The following TBXAS1 variants were observed in gnomAD, a reference collection of about 807,000 sequenced individuals.
TBXAS1 encodes thromboxane A synthase 1, also known as thromboxane-A synthase.
A neutral mutation model predicts 60.7 loss-of-function variants in TBXAS1; 48 were observed. That is an observed-to-expected ratio of 0.79 (90% CI 0.63 to 1.01). TBXAS1 has a LOEUF of 1.01. Among genes scored for constraint, TBXAS1 ranks in the 50% least tolerant of loss-of-function variants. The probability of loss-of-function intolerance (pLI) is 0.00; values close to 1 mark genes in which losing one functional copy is unlikely to be tolerated. For synonymous variants in TBXAS1, 287 were observed against 269.7 expected, an observed-to-expected ratio of 1.06 and a Z score of -0.63; for missense variants, 685 against 686.3, an observed-to-expected ratio of 1.00 and a Z score of 0.02.
chr7:140,017,142 A>G (rs1278295839), intron 11 of TBXAS1, among the ~76,000 whole-genome samples: 2 of 152,208 alleles, frequency 1.3e-5, no homozygotes, highest in Non-Finnish European at 2.9e-5. Context: ...GGGCCTGCAA[A>G]GCAAACACGG....
chr7:139,780,121 A>C (rs1394877986), intron 1 of TBXAS1, among the ~76,000 whole-genome samples: 1 of 152,200 alleles, frequency 6.6e-6, no homozygotes, highest in Non-Finnish European at 1.5e-5. Context: ...CTGTATTTTG[A>C]TTATGAGAAG....
Position 140,016,123 on chromosome 7 carries a change from T to G in TBXAS1, c.1364+263T>G, listed in dbSNP as rs529718703. Among the ~76,000 whole-genome samples, 27 of 152,126 alleles carry G rather than the reference T, an allele frequency of 1.8e-4. 1 individual carries two copies. Among genetic ancestry groups the G allele is most frequent in the African/African-American group, 4.6e-4 (19 of 41,474 alleles). The stretch of plus-strand genomic sequence containing the variant: ...GTGGGCAGATCACGAGGTCAGGAGA[T>G]CGAGACCATCCTGGCTAACACGGTG... On this transcript the variant is annotated intron_variant, in intron 11 of 12. Coordinates refer to ENST00000448866, the MANE Select transcript of TBXAS1 (RefSeq NM_001061.7).
chr7:139,803,468 T>C (rs1797769847), intron 4 of TBXAS1, among the ~76,000 whole-genome samples: 1 of 152,120 alleles, frequency 6.6e-6, no homozygotes, highest in Non-Finnish European at 1.5e-5. Flanking sequence ...GATGATGCAA[T>C]AGAAAAGAAA....
At chr7:139,864,465 G>A (rs945919531) in intron 1 of TBXAS1, among the ~76,000 whole-genome samples, 1 of 151,756 alleles carries the variant, frequency 6.6e-6, no homozygotes, top group Non-Finnish European at 1.5e-5. Flanking sequence ...TGCAATTCCA[G>A]AAAAATCCAA....
Position 139,896,359 on chromosome 7 carries a change from G to A in TBXAS1, c.237-14866G>A, listed in dbSNP as rs866623794. ...TTTCCAAACTAACAAGAGGGCAGCCGGCACTTTAGAGGGTAAATACTTGCA... is the reference window on the plus strand; with the variant it reads ...TTTCCAAACTAACAAGAGGGCAGCCAGCACTTTAGAGGGTAAATACTTGCA... On this transcript the variant is annotated intron_variant, in intron 3 of 12. Transcript: ENST00000448866. This position sits in a 1 kb window ranked among gnomAD's most constrained non-coding sequence, Gnocchi z 4.0. Among the ~76,000 whole-genome samples, 1 of 152,266 alleles carries A rather than the reference G, an allele frequency of 6.6e-6. No individual in the cohort carries two copies. Among genetic ancestry groups the A allele is most frequent in the African/African-American group, 2.4e-5 (1 of 41,558 alleles).
rs56291914 is a variant in TBXAS1 at position 139,833,509 on chromosome 7, CAAAAAAAAAA to C, written c.89+4047_89+4056del. 9.7e-3 allele frequency among the ~76,000 whole-genome samples: 724 copies of C among 74,410 alleles called. 9 individuals carry two copies. The highest frequency in any genetic ancestry group is 0.031 in the Middle Eastern group (3 of 96). 48.8% of individuals were successfully genotyped at this position (74,410 alleles called of 152,430 possible). On this transcript the variant is annotated intron_variant, in intron 1 of 12. Coordinates refer to ENST00000448866, the MANE Select transcript of TBXAS1 (RefSeq NM_001061.7). ...TGAAACCCCGTCTCTACTAAAAATACAAAAAAAAAAAAAAAAAAAAAAAAAATTAGAGGGG... is the reference window on the plus strand; with the variant it reads ...TGAAACCCCGTCTCTACTAAAAATACAAAAAAAAAAAAAAAATTAGAGGGG...
At chr7:139,961,879 G>A in intron 8 of TBXAS1, 40 bp from the exon 9 acceptor site, 1 of 1,613,030 alleles carries the variant, frequency 6.2e-7, no homozygotes, top group Non-Finnish European at 8.5e-7. Context: ...CTTCATGACT[G>A]TAAGGTCAAA....
intron 3 of TBXAS1, among the ~76,000 whole-genome samples, chr7:139,895,030 A>G (rs930682585): frequency 2.6e-5 from 4 of 152,250 alleles, no homozygotes; most frequent in Non-Finnish European, 5.9e-5. Context: ...GGACACCCAG[A>G]AAGAAACCCA....
At chr7:139,826,147 G>A (rs1798431569), upstream of TBXAS1, among the ~76,000 whole-genome samples, 2 of 152,130 alleles carry the variant, frequency 1.3e-5, no homozygotes, top group African/African-American at 2.4e-5. Flanking sequence ...ATGCTGCCGG[G>A]CCATCATCCT....
In TBXAS1 at chr7:139,904,997, C is replaced by CTTTTTCTTTCTT. The variant is rs1292195756; in HGVS notation, c.237-6227_237-6226insTTTTCTTTCTTT. Among the ~76,000 whole-genome samples the CTTTTTCTTTCTT allele has an allele frequency of 2.4e-4, 22 of 93,182 alleles. No homozygotes were observed. The South Asian group carries it at 3.1e-3, about 13-fold the overall frequency. The allele number at this position is 93,182 out of a possible 152,430, so 61.1% of individuals were successfully genotyped here. On this transcript the variant is annotated intron_variant, in intron 3 of 12. Transcript: ENST00000448866. ...CCTTTCTTTCTCTTTCTCTCTTTCT[C>CTTTTTCTTTCTT]TCTTTCTCTCTTTCTTTCTTTCTTT...
chr7:139,973,513 C>G (rs1188905379), intron 9 of TBXAS1, among the ~76,000 whole-genome samples: 1 of 151,854 alleles, frequency 6.6e-6, no homozygotes, highest in East Asian at 1.9e-4. Context: ...TCTGTTTTGC[C>G]CCAGGACTGT....
Position 139,991,271 on chromosome 7 carries a change from T to C in TBXAS1, c.1135-15820T>C, listed in dbSNP as rs117918890. On this transcript the variant is annotated intron_variant, in intron 9 of 12. Transcript: ENST00000448866. ...TAAGCCTCACCTTCTCCAGAAAGTCTTTCTGATCCCTCCCATCCCTACCCC... is the reference window on the plus strand; with the variant it reads ...TAAGCCTCACCTTCTCCAGAAAGTCCTTCTGATCCCTCCCATCCCTACCCC... Among the ~76,000 whole-genome samples the C allele has an allele frequency of 1.4e-4, 22 of 152,342 alleles. No homozygotes were observed. The East Asian group carries it at 4.2e-3, about 29-fold the overall frequency.
chr7:139,957,419 T>TA (rs1809951031), intron 7 of TBXAS1, among the ~76,000 whole-genome samples: 1 of 152,054 alleles, frequency 6.6e-6, no homozygotes, highest in South Asian at 2.1e-4. Flanking sequence ...GCACAGATGT[T>TA]TATTGAGTGC....
At position 140,017,688 on chromosome 7, in the gene TBXAS1, G is replaced by A. The variant is rs1259191382; in HGVS notation, c.1382G>A (p.Arg461Gln). ...FNPERFTAEARQQHRPFTYLP... is the reference protein window; with the variant it reads ...FNPERFTAEAQQQHRPFTYLP... ...ACCTGCAGGTTCACGGCTGAGGCCCGGCAGCAGCACCGGCCCTTCACGTAC... is the reference window on the plus strand; with the variant it reads ...ACCTGCAGGTTCACGGCTGAGGCCCAGCAGCAGCACCGGCCCTTCACGTAC... The change falls in exon 12 of 13, where the codon CGG (arginine) becomes CAG (glutamine). Residue 461 changes from arginine (R) to glutamine (Q), a missense_variant. Transcript: ENST00000448866. 11 of 1,613,310 alleles carry A rather than the reference G, an allele frequency of 6.8e-6. No homozygotes were observed. Among genetic ancestry groups the A allele is most frequent in the African/African-American group, 1.3e-5 (1 of 75,040 alleles).
intron 1 of TBXAS1, among the ~76,000 whole-genome samples, chr7:139,868,214 G>T (rs1801564062): frequency 6.6e-6 from 1 of 152,172 alleles, no homozygotes; most frequent in South Asian, 2.1e-4. Context: ...TCTGATCATT[G>T]CGTATTACCT....
At chr7:139,987,004 C>T (rs796156013) in intron 9 of TBXAS1, among the ~76,000 whole-genome samples, 5 of 152,114 alleles carry the variant, frequency 3.3e-5, no homozygotes, top group African/African-American at 7.2e-5. Flanking sequence ...GAGCTAGAAT[C>T]GGTATGATGT....
intron 4 of TBXAS1, among the ~76,000 whole-genome samples, chr7:139,930,899 G>C (rs1174312986): frequency 2.0e-5 from 3 of 152,176 alleles, no homozygotes; most frequent in African/African-American, 2.4e-5. Flanking sequence ...TGGCCAAAGA[G>C]AGATTTAATA....
intron 9 of TBXAS1, among the ~76,000 whole-genome samples, chr7:139,974,499 T>C (rs1021551994): frequency 2.0e-5 from 3 of 151,844 alleles, no homozygotes; most frequent in African/African-American, 7.3e-5. Flanking sequence ...GCTAGCATCA[T>C]CCCCGCCATG....
intron 1 of TBXAS1, among the ~76,000 whole-genome samples, chr7:139,779,013 A>AT (rs1321178417): frequency 6.6e-6 from 1 of 152,190 alleles, no homozygotes; most frequent in Non-Finnish European, 1.5e-5. Flanking sequence ...CCAATAGAAA[A>AT]TATTAGAGTC....
Sources: allele counts gnomAD v4.1 joint callset (sites outside exome capture counted in the v4.1 genomes callset), GRCh38; gene constraint gnomAD v4.1.1; non-coding constraint Gnocchi (gnomAD v3.1); transcripts MANE v1.5; gene names NCBI Gene and HGNC (gene_info 2026-07-23, HGNC 2026-07-21).